Variants in ACSM1 observed in about 807,000 individuals in gnomAD.
ACSM1 encodes the protein acyl-coenzyme A synthetase ACSM1, mitochondrial.
ACSM1 carries 79 observed loss-of-function variants against 75.8 expected under a neutral mutation model. That is an observed-to-expected ratio of 1.04 (90% CI 0.87 to 1.26). ACSM1 has a LOEUF of 1.26. ACSM1 is among the 50% of genes most tolerant of loss of function. ACSM1 has a pLI of 0.00. For synonymous variants in ACSM1, 279 were observed against 265.8 expected, an observed-to-expected ratio of 1.05 and a Z score of -0.48; for missense variants, 676 against 720.1, an observed-to-expected ratio of 0.94 and a Z score of 0.70.
chr16:20,643,693 T>C (rs929318813), intron 7 of ACSM1, among the ~76,000 whole-genome samples: 4 of 152,244 alleles, frequency 2.6e-5, no homozygotes, highest in Non-Finnish European at 5.9e-5. Context: ...GGCCAGCTTT[T>C]ATTCCCTTAT....
In ACSM1 at chr16:20,625,517, C is replaced by A; in HGVS notation, c.1433G>T (p.Arg478Leu). Residue 478 changes from arginine (R) to leucine (L), a missense_variant, in exon 12 of 14, where the codon CGC becomes CTC. Arg to Leu is a moderately radical substitution (Grantham distance 102). Coordinates refer to ENST00000520010, the MANE Select transcript of ACSM1 (RefSeq NM_001318890.3). ...SDDIINASGYRIGPAEVESAL... is the reference protein window; with the variant it reads ...SDDIINASGYLIGPAEVESAL... ...GCTTTCAACCTCTGCAGGCCCGATGCGATACCTGGAGGATGAAGGGTTCTG... is the reference window on the plus strand; with the variant it reads ...GCTTTCAACCTCTGCAGGCCCGATGAGATACCTGGAGGATGAAGGGTTCTG... 1 of 1,613,732 alleles carries A rather than the reference C, an allele frequency of 6.2e-7. No homozygotes were observed. Among genetic ancestry groups the A allele is most frequent in the East Asian group, 2.2e-5 (1 of 44,834 alleles).
chr16:20,627,897 T>C (rs1436332142), intron 10 of ACSM1, among the ~76,000 whole-genome samples: 1,584 of 116,996 alleles, frequency 0.014, 177 homozygotes, highest in African/African-American at 0.065. Context: ...TATATATATA[T>C]ATATATATAT....
intron 7 of ACSM1, among the ~76,000 whole-genome samples, chr16:20,658,426 A>G (rs1170499786): frequency 6.6e-6 from 1 of 150,750 alleles, no homozygotes; most frequent in Non-Finnish European, 1.5e-5. Context: ...GTGTCTGTTC[A>G]TATCCTTCAC....
At chr16:20,633,114 G>GCA (rs1165645750) in intron 10 of ACSM1, among the ~76,000 whole-genome samples, 1 of 152,170 alleles carries the variant, frequency 6.6e-6, no homozygotes, top group Non-Finnish European at 1.5e-5. Flanking sequence ...ACACAAGGAT[G>GCA]CCTGCTTTCA....
chr16:20,635,695 A>G (rs1331042642), intron 10 of ACSM1, among the ~76,000 whole-genome samples: 1 of 147,474 alleles, frequency 6.8e-6, no homozygotes, highest in East Asian at 2.0e-4. Context: ...GCTGGAGTGC[A>G]GTGGTGCGAT....
chr16:20,665,350 C>T (rs1395615467), intron 6 of ACSM1, among the ~76,000 whole-genome samples: 1 of 152,116 alleles, frequency 6.6e-6, no homozygotes, highest in African/African-American at 2.4e-5. Context: ...AAAAGATTCT[C>T]AGAGACTATT....
At chr16:20,641,898 G>A (rs2018084522) in intron 7 of ACSM1, among the ~76,000 whole-genome samples, 1 of 152,120 alleles carries the variant, frequency 6.6e-6, no homozygotes, top group South Asian at 2.1e-4. Flanking sequence ...AAAGTGGAGT[G>A]CTCGGAAGAA....
intron 7 of ACSM1, among the ~76,000 whole-genome samples, chr16:20,651,106 T>C (rs1335477674): frequency 6.6e-6 from 1 of 152,212 alleles, no homozygotes; most frequent in Non-Finnish European, 1.5e-5. Context: ...CCCTCTAGCA[T>C]ACCAGACTTT....
Position 20,633,507 on chromosome 16 carries a change from C to T in ACSM1, c.1299+3232G>A, listed in dbSNP as rs142906733. Among the ~76,000 whole-genome samples the T allele has an allele frequency of 6.9e-4, 105 of 152,192 alleles. 1 individual carries two copies. The East Asian group carries it at 0.017, about 25-fold the overall frequency. ...GACTTGTACACTGAAAACTACAAAA[C>T]GTTACTACAGAAATTAAAGAAGAGA... is the stretch of plus-strand genomic sequence containing the variant. On this transcript the variant is annotated intron_variant, in intron 10 of 13. Transcript: ENST00000520010.
intron 7 of ACSM1, among the ~76,000 whole-genome samples, chr16:20,652,535 A>G (rs2018701421): frequency 6.6e-6 from 1 of 152,124 alleles, no homozygotes; most frequent in South Asian, 2.1e-4. Flanking sequence ...GGATTACACA[A>G]GAAAGAGGGA....
intron 9 of ACSM1, 64 bp downstream of exon 9, chr16:20,637,307 G>T (rs1435033728): frequency 2.3e-6 from 3 of 1,279,422 alleles, no homozygotes; most frequent in Non-Finnish European, 3.4e-6. Context: ...TTGTCACCTG[G>T]TGTCAAATTG....
At chr16:20,640,905 A>G (rs1369406445) in intron 7 of ACSM1, among the ~76,000 whole-genome samples, 3 of 152,218 alleles carry the variant, frequency 2.0e-5, no homozygotes, top group Non-Finnish European at 4.4e-5. Flanking sequence ...AGCATTCTGT[A>G]TAGCTAAGAA....
chr16:20,637,941 A>T (rs1260039030), intron 8 of ACSM1, among the ~76,000 whole-genome samples: 1 of 152,308 alleles, frequency 6.6e-6, no homozygotes, highest in Non-Finnish European at 1.5e-5. Flanking sequence ...TGCCTTTGTC[A>T]TCAGTGATCC....
At position 20,685,837 on chromosome 16, in the gene ACSM1, A is replaced by C. The variant is rs946688908; in HGVS notation, c.193-434T>G. Among the ~76,000 whole-genome samples, 10 of 89,952 alleles carry C rather than the reference A, an allele frequency of 1.1e-4. 1 individual carries two copies. The highest frequency in any genetic ancestry group is 1.4e-4 in the Non-Finnish European group (6 of 41,728). 59.0% of individuals were successfully genotyped at this position (89,952 alleles called of 152,430 possible). A position where few individuals can be genotyped will look rare whatever the true frequency, so the allele number is the denominator to read the frequency against. ...TCCGTCTCAAAAAAAAAAAACAAAC[A>C]AAAAAAAAACAAAAAACTTATAGCA... On this transcript the variant is annotated intron_variant, in intron 2 of 13. Coordinates refer to ENST00000520010, the MANE Select transcript of ACSM1 (RefSeq NM_001318890.3).
intron 8 of ACSM1, among the ~76,000 whole-genome samples, chr16:20,640,157 A>G (rs2017964701): frequency 6.6e-6 from 1 of 152,214 alleles, no homozygotes; most frequent in Non-Finnish European, 1.5e-5. Flanking sequence ...TTATGTAAAA[A>G]TGCAGATTCA....
intron 10 of ACSM1, among the ~76,000 whole-genome samples, chr16:20,632,142 A>G (rs1020589129): frequency 7.2e-5 from 11 of 152,192 alleles, no homozygotes; most frequent in Non-Finnish European, 1.5e-4. Context: ...ATACGTTAAA[A>G]AAGATCTCAA....
At chr16:20,635,114 G>C (rs897662448) in intron 10 of ACSM1, among the ~76,000 whole-genome samples, 2 of 152,106 alleles carry the variant, frequency 1.3e-5, no homozygotes, top group East Asian at 3.9e-4. Context: ...AAAAAAATTA[G>C]CTGGGTGCAA....
At chr16:20,637,491 G>C in intron 8 of ACSM1, 40 bp from the exon 9 acceptor site, 1 of 1,537,958 alleles carries the variant, frequency 6.5e-7, no homozygotes, top group Non-Finnish European at 9.0e-7. Flanking sequence ...GATCAGAGAG[G>C]CCAGGCTGAT....
At chr16:20,633,867 C>T (rs2017497004) in intron 10 of ACSM1, among the ~76,000 whole-genome samples, 1 of 152,018 alleles carries the variant, frequency 6.6e-6, no homozygotes, top group Non-Finnish European at 1.5e-5. Context: ...CCTGTCTCTA[C>T]TAAAAATACA....
Sources: gnomAD v4.1 joint callset for allele counts (sites outside exome capture counted in the v4.1 genomes callset) on GRCh38, gnomAD v4.1.1 for gene constraint, MANE v1.5 for transcripts, NCBI Gene and HGNC (gene_info 2026-07-23, HGNC 2026-07-21) for gene names.